Variants in COL9A3 observed in about 807,000 individuals in gnomAD.
COL9A3 encodes the protein collagen type IX alpha 3 chain.
COL9A3 carries 82 observed loss-of-function variants against 110.2 expected under a neutral mutation model. The observed-to-expected ratio is 0.74, with a 90% CI of 0.62 to 0.89. The LOEUF (loss-of-function observed/expected upper bound fraction) is 0.89, where lower values mean the gene tolerates loss of function less well. COL9A3 is among the 40% of genes least tolerant of loss of function. The pLI, the probability that COL9A3 is intolerant of heterozygous loss-of-function variation, is 0.00. For missense variants in COL9A3, 1,066 were observed against 981.3 expected, an observed-to-expected ratio of 1.09 and a Z score of -1.15; for synonymous variants, 494 against 403.8, an observed-to-expected ratio of 1.22 and a Z score of -2.68.
chr20:62,817,153 G>A lies in COL9A3; in HGVS notation c.78+11G>A. On this transcript the variant is annotated intron_variant, in intron 1 of 31. Transcript: ENST00000649368. Reference sequence around the variant, plus strand: ...GCCGCCGGGGCGCAGGTGAGCGCGAGCTCCGGGCTCTGAGGCTGGACGTGG... The same window carrying A: ...GCCGCCGGGGCGCAGGTGAGCGCGAACTCCGGGCTCTGAGGCTGGACGTGG... 5 of 1,387,088 alleles carry A rather than the reference G, an allele frequency of 3.6e-6. No homozygotes were observed. The highest frequency in any genetic ancestry group is 4.7e-6 in the Non-Finnish European group (5 of 1,064,432). The allele number at this position is 1,387,088 out of a possible 1,614,324, so 85.9% of individuals were successfully genotyped here.
At chr20:62,818,688 T>G in intron 3 of COL9A3, 135 bp downstream of exon 3, 1 of 898,332 alleles carries the variant, frequency 1.1e-6, no homozygotes, top group South Asian at 1.3e-5. Flanking sequence ...TCAGAGGGCT[T>G]GGAGCAGGCC....
intron 15 of COL9A3, 143 bp from the exon 16 acceptor site, chr20:62,827,098 C>A: frequency 4.9e-6 from 4 of 814,070 alleles, no homozygotes; most frequent in Non-Finnish European, 8.2e-6. Context: ...TCCTGGAGGG[C>A]CCAGGCCTGG....
At chr20:62,821,849 C>T (rs1235339025) in intron 8 of COL9A3, 39 bp downstream of exon 8, 1 of 1,274,810 alleles carries the variant, frequency 7.8e-7, no homozygotes, top group Non-Finnish European at 1.1e-6. Flanking sequence ...GTGTGCTCAC[C>T]TGTGGCCTCC....
intron 12 of COL9A3, 106 bp downstream of exon 12, chr20:62,825,127 G>T: frequency 3.5e-6 from 1 of 284,416 alleles, no homozygotes; most frequent in Non-Finnish European, 6.8e-6. Context: ...GGGCTCCGGC[G>T]GGAGGGAGGG....
intron 19 of COL9A3, among the ~76,000 whole-genome samples, chr20:62,829,184 G>A (rs1304936803): frequency 1.3e-5 from 2 of 152,198 alleles, no homozygotes; most frequent in African/African-American, 4.8e-5. Context: ...GTGCTTATTC[G>A]TGTGTACATG....
chr20:62,825,453 G>A (rs936787328), intron 12 of COL9A3: 1 of 384,020 alleles, frequency 2.6e-6, no homozygotes, highest in Non-Finnish European at 4.8e-6. Context: ...TCTGTCCATG[G>A]TCACCTGCAG....
rs576979943 is a variant in COL9A3, at chr20:62,836,480, G to A, written c.1551G>A (p.Gly517=). The A allele has an allele frequency of 6.3e-5, 102 of 1,613,680 alleles. 1 individual carries two copies. The South Asian group carries it at 1.0e-3, about 16-fold the overall frequency. ...PGITGKPGVP[G]KEASEQRIRE... ...CGAATGTGTGGGGTGAATTCCAGGG[G>A]AAGGAGGCCAGCGAGCAGCGCATCA... The change falls in exon 29 of 32, where the codon GGG becomes GGA. Residue 517 remains glycine (G), a splice_region_variant and synonymous_variant. Coordinates refer to ENST00000649368, the MANE Select transcript of COL9A3 (RefSeq NM_001853.4).
intron 12 of COL9A3, among the ~76,000 whole-genome samples, chr20:62,825,239 C>T (rs2063543360): frequency 1.3e-5 from 2 of 151,972 alleles, no homozygotes; most frequent in Non-Finnish European, 2.9e-5. Flanking sequence ...TGCACTGGCA[C>T]CTTCTGTGCC....
upstream of COL9A3, chr20:62,816,289 G>A (rs1235440017): frequency 1.3e-5 from 2 of 152,308 alleles, no homozygotes; most frequent in Non-Finnish European, 2.9e-5. Context: ...GAGCTTCTGG[G>A]AAATGGACAT....
chr20:62,828,076 C>A, intron 17 of COL9A3, 100 bp downstream of exon 17: 1 of 1,219,076 alleles, frequency 8.2e-7, no homozygotes, highest in Non-Finnish European at 1.2e-6. Context: ...GTGCCCTCTG[C>A]TGTGGCCATC....
Position 62,822,581 on chromosome 20 carries a change from T to C in COL9A3, c.478-10T>C. The C allele has an allele frequency of 6.2e-7, 1 of 1,612,276 alleles. No homozygotes were observed. ...GGCGGGAGAATGTCAGCTGTCTCTTTTTGTCTTAGGGACACCCAGGAGTCC... is the reference window on the plus strand; with the variant it reads ...GGCGGGAGAATGTCAGCTGTCTCTTCTTGTCTTAGGGACACCCAGGAGTCC... On this transcript the variant is annotated splice_polypyrimidine_tract_variant and intron_variant, in intron 9 of 31. Transcript: ENST00000649368.
chr20:62,828,787 G>C lies in COL9A3; in HGVS notation c.924G>C (p.Gln308His). 1 of 1,612,886 alleles carries C rather than the reference G, an allele frequency of 6.2e-7. No homozygotes were observed. Among genetic ancestry groups the C allele is most frequent in the Non-Finnish European group, 8.5e-7 (1 of 1,179,932 alleles). Residue 308 changes from glutamine to histidine, a missense_variant, in exon 18 of 32, where the codon CAG becomes CAC. Gln to His is a conservative substitution (Grantham distance 24). Coordinates refer to ENST00000649368, the MANE Select transcript of COL9A3 (RefSeq NM_001853.4). ...AGGGCATGCCGGGCAAGGACGGCCAGAATGGCGTGCCAGGACTCGATGGCC... is the reference window on the plus strand; with the variant it reads ...AGGGCATGCCGGGCAAGGACGGCCACAATGGCGTGCCAGGACTCGATGGCC... Reference protein sequence around the residue: ...GEPGMPGKDGQNGVPGLDGQK... With the variant: ...GEPGMPGKDGHNGVPGLDGQK...
chr20:62,821,463 C>G, intron 6 of COL9A3, 44 bp from the exon 7 acceptor site: 1 of 1,612,534 alleles, frequency 6.2e-7, no homozygotes. Context: ...AGGCGCAGCC[C>G]TTCTTGTGCC....
chr20:62,817,402 G>A (rs1179876391), intron 1 of COL9A3, 165 bp from the exon 2 acceptor site: 3 of 572,744 alleles, frequency 5.2e-6, no homozygotes, highest in Non-Finnish European at 9.0e-6. Flanking sequence ...GGGAGGCGGG[G>A]GACACACTGC....
At chr20:62,827,824 C>A in intron 16 of COL9A3, 99 bp from the exon 17 acceptor site, 1 of 1,333,302 alleles carries the variant, frequency 7.5e-7, no homozygotes, top group Non-Finnish European at 1.1e-6. Flanking sequence ...TGCCGCTGCC[C>A]ACCATAGCTC....
chr20:62,828,527 G>T (rs543804853), intron 17 of COL9A3, among the ~76,000 whole-genome samples: 153 of 152,350 alleles, frequency 1.0e-3, no homozygotes, highest in African/African-American at 3.4e-3. Flanking sequence ...GAGGCCTCGG[G>T]CGTCAGCACT....
rs201736906 is a variant in COL9A3, at chr20:62,835,976, G to A, written c.1401+23G>A. On this transcript the variant is annotated intron_variant, in intron 27 of 31. Transcript: ENST00000649368. ...GAGGTGAGTGCCCGGCGACTGTTCC[G>A]ATGACACCATCCATGGGCGCCTGCT... 4.2e-4 allele frequency: 670 copies of A among 1,614,152 alleles called. 4 individuals are homozygous for A. The Middle Eastern group carries it at 7.1e-3, about 17-fold the overall frequency.
chr20:62,820,066 C>A, intron 5 of COL9A3, 84 bp downstream of exon 5: 1 of 1,486,408 alleles, frequency 6.7e-7, no homozygotes, highest in Non-Finnish European at 9.3e-7. Flanking sequence ...TCCACAAGGC[C>A]AAGGAGCTGG....
In COL9A3 at chr20:62,820,418, T is replaced by C. The variant is rs570699659; in HGVS notation, c.309+436T>C. On this transcript the variant is annotated intron_variant, in intron 5 of 31. Transcript: ENST00000649368. ...ACCCAAGGGTGCCTTTCTCCCCTTGTGGCTTCTGAGTACAAACCCGAAGCC... is the reference window on the plus strand; with the variant it reads ...ACCCAAGGGTGCCTTTCTCCCCTTGCGGCTTCTGAGTACAAACCCGAAGCC... Among the ~76,000 whole-genome samples the C allele has an allele frequency of 3.1e-3, 466 of 152,322 alleles. 1 individual carries two copies. Among genetic ancestry groups the C allele is most frequent in the African/African-American group, 0.011 (441 of 41,572 alleles).
Sources: allele counts gnomAD v4.1 joint callset (sites outside exome capture counted in the v4.1 genomes callset), GRCh38; gene constraint gnomAD v4.1.1; transcripts MANE v1.5; gene names NCBI Gene and HGNC (gene_info 2026-07-23, HGNC 2026-07-21).